The following DUSP16 variants were observed in gnomAD, a reference collection of about 807,000 sequenced individuals.
The protein encoded by DUSP16 is dual specificity protein phosphatase 16.
In DUSP16, 21 loss-of-function variants were observed where a neutral mutation model predicts 58.3. The observed-to-expected ratio is 0.36, with a 90% CI of 0.26 to 0.52. DUSP16 has a LOEUF of 0.52. Among genes scored for constraint, DUSP16 ranks in the 20% least tolerant of loss-of-function variants. The probability of loss-of-function intolerance (pLI) is 0.94; values close to 1 mark genes in which losing one functional copy is unlikely to be tolerated. For missense variants in DUSP16, 726 were observed against 819.0 expected, an observed-to-expected ratio of 0.89 and a Z score of 1.39; for synonymous variants, 320 against 323.8, an observed-to-expected ratio of 0.99 and a Z score of 0.12.
At chr12:12,499,320 A>C (rs540035836) in intron 4 of DUSP16, among the ~76,000 whole-genome samples, 1 of 152,300 alleles carries the variant, frequency 6.6e-6, no homozygotes, top group African/African-American at 2.4e-5. Context: ...CTTATCTCTA[A>C]AAAGAATTAA....
At chr12:12,504,515 G>A (rs888910751) in intron 3 of DUSP16, among the ~76,000 whole-genome samples, 23 of 152,090 alleles carry the variant, frequency 1.5e-4, no homozygotes, top group African/African-American at 5.5e-4. Context: ...ACCCACCTTG[G>A]CCTCCCACAG....
chr12:12,499,749 T>C (rs1429281654), intron 4 of DUSP16, among the ~76,000 whole-genome samples: 1 of 152,234 alleles, frequency 6.6e-6, no homozygotes, highest in Non-Finnish European at 1.5e-5. Context: ...GTGATGTAAA[T>C]TAAGAGATTT....
chr12:12,500,375 C>T (rs1027833679), intron 4 of DUSP16, 144 bp downstream of exon 4: 30 of 916,528 alleles, frequency 3.3e-5, no homozygotes, highest in Middle Eastern at 3.1e-4. Context: ...CAAGAGATGA[C>T]GCAACTGTTA....
intron 4 of DUSP16, among the ~76,000 whole-genome samples, chr12:12,489,390 TCAA>T (rs1377972798): frequency 6.6e-6 from 1 of 152,184 alleles, no homozygotes; most frequent in African/African-American, 2.4e-5. Context: ...TACTATCTGA[TCAA>T]CAACAGGGTG....
intron 1 of DUSP16, among the ~76,000 whole-genome samples, chr12:12,540,295 A>G (rs1314363324): frequency 6.6e-6 from 1 of 152,052 alleles, no homozygotes; most frequent in Non-Finnish European, 1.5e-5. Flanking sequence ...TTGCCACTGC[A>G]CTCCAGCCTG....
In DUSP16 at chr12:12,473,403, C is replaced by T. The variant is rs1054006790; in HGVS notation, c.*3430G>A. Among the ~76,000 whole-genome samples the T allele has an allele frequency of 6.6e-6, 1 of 152,192 alleles. No homozygotes were observed. Among genetic ancestry groups the T allele is most frequent in the Non-Finnish European group, 1.5e-5 (1 of 68,034 alleles). ...GCAACTGGCCTGAACTTCAGGCTCT[C>T]CCAAGATCTGCATCTTCTCATTGGA... On this transcript the variant is annotated 3_prime_UTR_variant, in exon 7 of 7. Transcript: ENST00000298573.
At chr12:12,502,253 A>T (rs1280617753) in intron 3 of DUSP16, among the ~76,000 whole-genome samples, 1 of 152,232 alleles carries the variant, frequency 6.6e-6, no homozygotes, top group Admixed American at 6.5e-5. Context: ...AGCATAATTC[A>T]GCCAGACGCC....
intron 3 of DUSP16, among the ~76,000 whole-genome samples, chr12:12,503,550 T>C (rs1215942640): frequency 6.6e-6 from 1 of 152,106 alleles, no homozygotes; most frequent in African/African-American, 2.4e-5. Context: ...TCCTCCACCT[T>C]TGAGCTGCGG....
chr12:12,548,467 A>G (rs934847408), intron 1 of DUSP16, among the ~76,000 whole-genome samples: 1 of 151,804 alleles, frequency 6.6e-6, no homozygotes, highest in Non-Finnish European at 1.5e-5. Context: ...CCCCATCTCT[A>G]CTAAATATAC....
intron 5 of DUSP16, among the ~76,000 whole-genome samples, chr12:12,480,833 C>T (rs913800913): frequency 2.0e-5 from 3 of 152,198 alleles, no homozygotes; most frequent in African/African-American, 7.2e-5. Context: ...ATTCTCCTGC[C>T]TTAGCCTCCA....
Position 12,477,133 on chromosome 12 carries a change from G to C in DUSP16, c.1698C>G (p.Phe566Leu). 1.2e-6 allele frequency: 2 copies of C among 1,614,264 alleles called. No homozygotes were observed. The highest frequency in any genetic ancestry group is 1.1e-5 in the South Asian group (1 of 91,090). Residue 566 changes from phenylalanine to leucine, a missense_variant, in exon 7 of 7, where the codon TTC (phenylalanine) becomes TTG (leucine). Phe to Leu is a conservative substitution (Grantham distance 22). Transcript: ENST00000298573. The surrounding 1 kb of genome is among the most constrained non-coding windows in gnomAD (Gnocchi z 4.1). ...CTCCGTAGATGGCTGAGGCAGAGTA[G>C]AAGTGTGAGGACTCTGTGGCAAAAT... ...SWYFATESSH[F>L]YSASAIYGGS...
chr12:12,477,860 G>A lies in DUSP16; in HGVS notation c.971C>T (p.Pro324Leu), dbSNP rs776806192. 6.2e-7 allele frequency: 1 copy of A among 1,614,148 alleles called. No homozygotes were observed. Among genetic ancestry groups the A allele is most frequent in the Non-Finnish European group, 8.5e-7 (1 of 1,180,040 alleles). Residue 324 changes from proline to leucine, a missense_variant, in exon 7 of 7, where the codon CCT becomes CTT. Physicochemically the swap from Pro to Leu is moderately conservative, Grantham distance 98. Transcript: ENST00000298573. This position sits in a 1 kb window ranked among gnomAD's most constrained non-coding sequence, Gnocchi z 4.1. ...LHLEKPNEPV[P>L]AVSEGGQKSE... is the part of the protein sequence containing the mutation. ...TTTCTGTCCACCCTCTGAGACAGCA[G>A]GGACAGGTTCATTTGGCTTCTCCAG...
At position 12,477,270 on chromosome 12, in the gene DUSP16, G is replaced by A. The variant is rs1451245890; in HGVS notation, c.1561C>T (p.Leu521Phe). ...GTGAGGTGCTGCTGGCTGGTGGAAA[G>A]GCCGAAAAGGAAGCTGGTGTGGTAA... ...DNYHTSFLFG[L>F]STSQQHLTKS... The change falls in exon 7 of 7, where the codon CTT (leucine) becomes TTT (phenylalanine). Residue 521 changes from leucine (L) to phenylalanine (F), a missense_variant. Coordinates refer to ENST00000298573, the MANE Select transcript of DUSP16 (RefSeq NM_030640.3). This position sits in a 1 kb window ranked among gnomAD's most constrained non-coding sequence, Gnocchi z 4.1. 6.2e-7 allele frequency: 1 copy of A among 1,614,114 alleles called. No homozygotes were observed. The highest frequency in any genetic ancestry group is 8.5e-7 in the Non-Finnish European group (1 of 1,180,050).
intron 3 of DUSP16, among the ~76,000 whole-genome samples, chr12:12,517,812 T>G (rs2136229688): frequency 6.6e-6 from 1 of 152,358 alleles, no homozygotes; most frequent in Non-Finnish European, 1.5e-5. Flanking sequence ...TGGCTCCTGG[T>G]GCTGCCTCCA....
At chr12:12,535,487 T>C (rs961389121) in intron 1 of DUSP16, among the ~76,000 whole-genome samples, 10 of 152,184 alleles carry the variant, frequency 6.6e-5, no homozygotes, top group Non-Finnish European at 1.5e-4. Context: ...TGGCCCTCTA[T>C]AATTCTGGGT....
chr12:12,528,297 A>T (rs1242874412), intron 1 of DUSP16, among the ~76,000 whole-genome samples: 1 of 152,110 alleles, frequency 6.6e-6, no homozygotes, highest in Non-Finnish European at 1.5e-5. Context: ...CTGAAAACTC[A>T]GGACCCTACC....
At chr12:12,515,841 T>C (rs997057434) in intron 3 of DUSP16, among the ~76,000 whole-genome samples, 3 of 151,998 alleles carry the variant, frequency 2.0e-5, no homozygotes. Context: ...AGTGATGCGA[T>C]CTTGGCTCAC....
At chr12:12,532,170 A>G (rs7137825) in intron 1 of DUSP16, among the ~76,000 whole-genome samples, 2 of 152,146 alleles carry the variant, frequency 1.3e-5, no homozygotes, top group African/African-American at 2.4e-5. Flanking sequence ...GTCTCAAAAA[A>G]AAAACAAAAC....
At chr12:12,509,468 T>C (rs1944044636) in intron 3 of DUSP16, among the ~76,000 whole-genome samples, 1 of 151,796 alleles carries the variant, frequency 6.6e-6, no homozygotes, top group African/African-American at 2.4e-5. Context: ...TCTTCCCTAA[T>C]TCTGTTGCGT....
Sources: gnomAD v4.1 joint callset for allele counts (sites outside exome capture counted in the v4.1 genomes callset) on GRCh38, gnomAD v4.1.1 for gene constraint, Gnocchi (gnomAD v3.1) non-coding constraint, MANE v1.5 for transcripts, NCBI Gene and HGNC (gene_info 2026-07-23, HGNC 2026-07-21) for gene names.